The following AACS variants were observed in gnomAD, a reference collection of about 807,000 sequenced individuals.
AACS encodes the protein acetoacetate-CoA ligase.
Under a neutral mutation model 83.1 loss-of-function variants are expected in AACS, and 69 were observed. The observed-to-expected ratio is 0.83, with a 90% CI of 0.68 to 1.01. The LOEUF (loss-of-function observed/expected upper bound fraction) is 1.01, where lower values mean the gene tolerates loss of function less well. Among genes scored for constraint, AACS ranks in the 50% least tolerant of loss-of-function variants. The probability of loss-of-function intolerance (pLI) is 0.00; values close to 1 mark genes in which losing one functional copy is unlikely to be tolerated. For missense variants in AACS, 866 were observed against 882.2 expected (o/e 0.98, Z 0.23); for synonymous variants, 333 against 343.4 (o/e 0.97, Z 0.33).
intron 8 of AACS, among the ~76,000 whole-genome samples, chr12:125,110,075 A>G (rs1468795819): frequency 6.6e-6 from 1 of 150,642 alleles, no homozygotes; most frequent in East Asian, 2.0e-4. Flanking sequence ...GCTGGAGTGC[A>G]GTGGCTCAAT....
chr12:125,129,503 T>C lies in AACS; in HGVS notation c.1549+43T>C, dbSNP rs1565953656. 1 of 1,600,178 alleles carries C rather than the reference T, an allele frequency of 6.2e-7. No individual in the cohort carries two copies. On this transcript the variant is annotated intron_variant, in intron 14 of 17. Transcript: ENST00000316519. The surrounding 1 kb of genome is among the most constrained non-coding windows in gnomAD (Gnocchi z 4.3). ...AGACAGAGCTGGCCAGCCTCTGCCT[T>C]GGCTGGGCCTTCTGTGTCTAATTCT...
At chr12:125,135,958 C>G (rs1337601243) in intron 16 of AACS, 1 of 152,624 alleles carries the variant, frequency 6.6e-6, no homozygotes, top group African/African-American at 2.4e-5. Flanking sequence ...GTTGGCCAGG[C>G]TGGTCTCAAA....
At chr12:125,121,773 G>C (rs995701537) in intron 10 of AACS, 2 of 152,276 alleles carry the variant, frequency 1.3e-5, no homozygotes, top group Non-Finnish European at 2.9e-5. Flanking sequence ...CAGGGGCCTC[G>C]TGGGCGAGCA....
chr12:125,110,084 A>G (rs540323966), intron 8 of AACS, among the ~76,000 whole-genome samples: 3 of 151,410 alleles, frequency 2.0e-5, no homozygotes, highest in South Asian at 4.2e-4. Context: ...CAGTGGCTCA[A>G]TGTTGGCTCA....
chr12:125,079,467 G>A (rs1021204148), intron 3 of AACS, among the ~76,000 whole-genome samples: 4 of 152,102 alleles, frequency 2.6e-5, no homozygotes, highest in Non-Finnish European at 5.9e-5. Flanking sequence ...CTGCAGCCTC[G>A]ACTTCCCAGG....
At chr12:125,098,931 C>A (rs1361198388) in intron 5 of AACS, among the ~76,000 whole-genome samples, 1 of 152,146 alleles carries the variant, frequency 6.6e-6, no homozygotes, top group African/African-American at 2.4e-5. Flanking sequence ...CTAGTTCCCA[C>A]CCCGGGACGT....
intron 1 of AACS, among the ~76,000 whole-genome samples, chr12:125,067,102 T>G (rs901209335): frequency 6.6e-6 from 1 of 152,212 alleles, no homozygotes; most frequent in African/African-American, 2.4e-5. Flanking sequence ...AGTGGTTCCT[T>G]GTTGACCACA....
chr12:125,136,869 G>C lies in AACS; in HGVS notation c.1881+5G>C, dbSNP rs376727976. On this transcript the variant is annotated splice_donor_5th_base_variant and intron_variant, in intron 17 of 17. Transcript: ENST00000316519. ...CTGGAAACCAAGGGCATCCCGGTATGGCCATCTCCCGCCAGCGAGGAGACC... is the reference window on the plus strand; with the variant it reads ...CTGGAAACCAAGGGCATCCCGGTATCGCCATCTCCCGCCAGCGAGGAGACC... 14 of 1,612,142 alleles carry C rather than the reference G, an allele frequency of 8.7e-6. No individual in the cohort carries two copies. The African/African-American group carries it at 1.7e-4, about 20-fold the overall frequency.
At chr12:125,065,738 C>G in intron 1 of AACS, 21 bp downstream of exon 1, 5 of 1,510,338 alleles carry the variant, frequency 3.3e-6, no homozygotes, top group Non-Finnish European at 4.4e-6. Context: ...GGCGCGCGGC[C>G]GGGCCTGCGG....
In AACS at chr12:125,124,948, C is replaced by A. The variant is rs1190319975; in HGVS notation, c.1233C>A (p.Gly411=). The change falls in exon 12 of 18, where the codon GGC becomes GGA. Residue 411 remains glycine, a synonymous_variant. Transcript: ENST00000316519. ...LQMLHTILST[G]SPLKAQSYEY... Reference sequence around the variant, plus strand: ...TGCTCCACACGATCCTGTCCACTGGCTCCCCACTGAAAGCCCAGAGCTACG... The same window carrying A: ...TGCTCCACACGATCCTGTCCACTGGATCCCCACTGAAAGCCCAGAGCTACG... 6.2e-7 allele frequency: 1 copy of A among 1,614,126 alleles called. No homozygotes were observed. The highest frequency in any genetic ancestry group is 8.5e-7 in the Non-Finnish European group (1 of 1,180,050).
chr12:125,130,187 A>G lies in AACS; in HGVS notation c.1549+727A>G, dbSNP rs922904746. On this transcript the variant is annotated intron_variant, in intron 14 of 17. Transcript: ENST00000316519. The surrounding 1 kb of genome is among the most constrained non-coding windows in gnomAD (Gnocchi z 4.9). ...TAATCTGGTTTAGCACAGACCACGT[A>G]TGGAGAATCAGAAAGCGGTAAGTGG... 3.9e-5 allele frequency among the ~76,000 whole-genome samples: 6 copies of G among 152,256 alleles called. No homozygotes were observed. Among genetic ancestry groups the G allele is most frequent in the African/African-American group, 1.4e-4 (6 of 41,476 alleles).
At chr12:125,107,022 T>C in intron 7 of AACS, 99 bp from the exon 8 acceptor site, 1 of 1,541,744 alleles carries the variant, frequency 6.5e-7, no homozygotes, top group South Asian at 1.2e-5. Context: ...CTGGCTTTTC[T>C]GGGGGTAGAA....
chr12:125,091,467 G>A lies in AACS; in HGVS notation c.514G>A (p.Ala172Thr). 1 of 1,614,254 alleles carries A rather than the reference G, an allele frequency of 6.2e-7. No homozygotes were observed. Among genetic ancestry groups the A allele is most frequent in the Non-Finnish European group, 8.5e-7 (1 of 1,180,058 alleles). ...NSEHAVEAMLAAASIGAIWSS... is the reference protein window; with the variant it reads ...NSEHAVEAMLTAASIGAIWSS... ...TGAGCACGCTGTCGAGGCGATGCTG[G>A]CTGCGGCAAGCATTGGTGCCATCTG... Residue 172 changes from alanine (A) to threonine (T), a missense_variant, in exon 5 of 18, where the codon GCT (alanine) becomes ACT (threonine). Physicochemically the swap from Ala to Thr is moderately conservative, Grantham distance 58 (BLOSUM62 0). Transcript: ENST00000316519.
chr12:125,114,288 G>A, intron 8 of AACS, 189 bp from the exon 9 acceptor site: 1 of 491,278 alleles, frequency 2.0e-6, no homozygotes, highest in Non-Finnish European at 3.6e-6. Flanking sequence ...GGGGGAGAGG[G>A]ACATGGGGGC....
In AACS at chr12:125,065,573, C is replaced by CCCG. The variant is rs999561824; in HGVS notation, c.-3_-1dup. 17 of 1,506,562 alleles carry CCCG rather than the reference C, an allele frequency of 1.1e-5. No homozygotes were observed. The highest frequency in any genetic ancestry group is 1.1e-4 in the East Asian group (4 of 35,598). The allele number at this position is 1,506,562 out of a possible 1,614,324, so 93.3% of individuals were successfully genotyped here. On this transcript the variant is annotated 5_prime_UTR_variant, in exon 1 of 18. Coordinates refer to ENST00000316519, the MANE Select transcript of AACS (RefSeq NM_023928.5). ...CCAGCCCTCGTCGCAGCCCCGGCCGCCCGCCGCCGCCATGTCCAAGGAGGA... is the reference window on the plus strand; with the variant it reads ...CCAGCCCTCGTCGCAGCCCCGGCCGCCCGCCGCCGCCGCCATGTCCAAGGAGGA...
At chr12:125,070,528 A>G (rs1955832171) in intron 1 of AACS, among the ~76,000 whole-genome samples, 1 of 152,220 alleles carries the variant, frequency 6.6e-6, no homozygotes, top group Non-Finnish European at 1.5e-5. Flanking sequence ...AAAGAGGCAG[A>G]TAAAATCTTC....
At chr12:125,078,346 C>T (rs77481673) in intron 3 of AACS, 65,936 of 456,042 alleles carry the variant, frequency 0.14, 5,248 homozygotes, top group Middle Eastern at 0.24. Flanking sequence ...CATGGAGCAA[C>T]GTCTCGACGT....
At chr12:125,131,876 C>A (rs140757817) in intron 14 of AACS, among the ~76,000 whole-genome samples, 2 of 152,206 alleles carry the variant, frequency 1.3e-5, no homozygotes, top group African/African-American at 4.8e-5. Flanking sequence ...GGATTACAGG[C>A]GTGAGCCACC....
At chr12:125,085,088 AG>A (rs1956300169) in intron 3 of AACS, among the ~76,000 whole-genome samples, 1 of 152,102 alleles carries the variant, frequency 6.6e-6, no homozygotes, top group South Asian at 2.1e-4. Flanking sequence ...GGGGTGGTGT[AG>A]GGGTCAGGGA....
Sources: gnomAD v4.1 joint callset for allele counts (sites outside exome capture counted in the v4.1 genomes callset) on GRCh38, gnomAD v4.1.1 for gene constraint, Gnocchi (gnomAD v3.1) non-coding constraint, MANE v1.5 for transcripts, NCBI Gene and HGNC (gene_info 2026-07-23, HGNC 2026-07-21) for gene names.